Variants in BANP observed in about 807,000 individuals in gnomAD.
BANP encodes BTG3 associated nuclear protein.
A neutral mutation model predicts 68.1 loss-of-function variants in BANP; 11 were observed. That is an observed-to-expected ratio of 0.16 (90% CI 0.10 to 0.27). The LOEUF (loss-of-function observed/expected upper bound fraction) is 0.27. Among genes scored for constraint, BANP ranks in the 10% least tolerant of loss-of-function variants. BANP has a pLI of 1.00. For missense variants in BANP, 504 were observed against 722.7 expected, an observed-to-expected ratio of 0.70 and a Z score of 3.47; for synonymous variants, 329 against 303.2, an observed-to-expected ratio of 1.09 and a Z score of -0.88.
intron 11 of BANP, among the ~76,000 whole-genome samples, chr16:88,043,573 A>G (rs1183161520): frequency 6.6e-6 from 1 of 152,310 alleles, no homozygotes; most frequent in East Asian, 1.9e-4. Flanking sequence ...ATTCGGAATG[A>G]TTTAGGTAGA....
intron 11 of BANP, among the ~76,000 whole-genome samples, chr16:88,061,978 G>C (rs373892987): frequency 1.2e-3 from 184 of 152,296 alleles, no homozygotes; most frequent in African/African-American, 4.2e-3. Context: ...CATTTTTCTA[G>C]TATGAGGAAG....
intron 1 of BANP, chr16:87,970,035 G>A (rs1597892948): frequency 6.6e-6 from 1 of 151,334 alleles, no homozygotes; most frequent in Admixed American, 6.6e-5. Context: ...AGCCTCCTTA[G>A]TAGCTGGGAT....
At chr16:88,031,150 C>G (rs962449662) in intron 8 of BANP, among the ~76,000 whole-genome samples, 1 of 152,206 alleles carries the variant, frequency 6.6e-6, no homozygotes, top group Non-Finnish European at 1.5e-5. Flanking sequence ...CCGTGGAGCA[C>G]GCAGCACTGC....
At chr16:87,970,156 G>A (rs2060859717) in intron 1 of BANP, 1 of 152,198 alleles carries the variant, frequency 6.6e-6, no homozygotes, top group Non-Finnish European at 1.5e-5. Context: ...CTTCCAAAGT[G>A]CTGGGATGAC....
chr16:88,024,391 T>A (rs1162786539), intron 7 of BANP, among the ~76,000 whole-genome samples: 1 of 152,070 alleles, frequency 6.6e-6, no homozygotes, highest in African/African-American at 2.4e-5. Flanking sequence ...CATGAGGCTT[T>A]TAAAAAAAAA....
chr16:87,963,825 A>G (rs116299810), intron 1 of BANP, among the ~76,000 whole-genome samples: 2,386 of 152,308 alleles, frequency 0.016, 62 homozygotes, highest in African/African-American at 0.051. Context: ...AATCTATAGC[A>G]GTTTGTTTTT....
chr16:87,983,043 T>A (rs986960255), intron 3 of BANP, among the ~76,000 whole-genome samples: 1 of 152,108 alleles, frequency 6.6e-6, no homozygotes, highest in African/African-American at 2.4e-5. Context: ...AGTGGCTGCC[T>A]CAGTGCCACC....
intron 6 of BANP, chr16:88,017,296 C>T (rs1186612703): frequency 1.3e-5 from 2 of 152,372 alleles, no homozygotes; most frequent in African/African-American, 2.4e-5. Context: ...ATTCAGGTTT[C>T]TACCCTTCCA....
At chr16:88,052,285 C>T (rs565691552) in intron 11 of BANP, among the ~76,000 whole-genome samples, 2 of 152,284 alleles carry the variant, frequency 1.3e-5, no homozygotes, top group Non-Finnish European at 2.9e-5. Context: ...AGCATTGTGG[C>T]AAGCTAGCGC....
chr16:88,029,426 G>C (rs1438788557), intron 8 of BANP, among the ~76,000 whole-genome samples: 2 of 151,458 alleles, frequency 1.3e-5, no homozygotes, highest in African/African-American at 2.4e-5. Flanking sequence ...TGGCTAACAC[G>C]GTGAAACCCC....
At chr16:88,075,504 A>C (rs2091406355) in intron 13 of BANP, among the ~76,000 whole-genome samples, 1 of 152,154 alleles carries the variant, frequency 6.6e-6, no homozygotes, top group Non-Finnish European at 1.5e-5. Flanking sequence ...CCCTATCTCT[A>C]AAAAATAAAA....
In BANP at chr16:87,976,169, T is replaced by G. The variant is rs543506976; in HGVS notation, c.70+984T>G. ...TATAGAGAAGATCCTTGCATATATA[T>G]CTTGGCAAATAGATAAGTTCCTAGA... On this transcript the variant is annotated intron_variant, in intron 2 of 13. Coordinates refer to ENST00000682872, the MANE Select transcript of BANP (RefSeq NM_001386991.1). Among the ~76,000 whole-genome samples, 66 of 152,380 alleles carry G rather than the reference T, an allele frequency of 4.3e-4. 2 individuals carry two copies. The highest frequency in any genetic ancestry group is 1.5e-3 in the African/African-American group (62 of 41,590).
chr16:88,041,466 C>T (rs1366643131), intron 11 of BANP, among the ~76,000 whole-genome samples: 1 of 152,186 alleles, frequency 6.6e-6, no homozygotes, highest in East Asian at 1.9e-4. Context: ...AGTCACATCC[C>T]ACAGTTGCCA....
At chr16:88,024,839 T>C (rs2076682941) in intron 7 of BANP, among the ~76,000 whole-genome samples, 1 of 152,274 alleles carries the variant, frequency 6.6e-6, no homozygotes, top group Non-Finnish European at 1.5e-5. Flanking sequence ...ATATTTTTTA[T>C]TTAATAAGTG....
chr16:88,076,832 C>T lies in BANP; in HGVS notation c.*171C>T. On this transcript the variant is annotated 3_prime_UTR_variant, in exon 14 of 14. Transcript: ENST00000682872. ...GCATCCTATCAACTGAAAGAGCAGC[C>T]GCCGCCGCCCCCAGCCGGAGACCCC... The T allele has an allele frequency of 5.1e-6, 3 of 586,464 alleles. No homozygotes were observed. Among genetic ancestry groups the T allele is most frequent in the Middle Eastern group, 4.6e-4 (1 of 2,162 alleles). 36.3% of individuals were successfully genotyped at this position (586,464 alleles called of 1,614,324 possible).
intron 11 of BANP, among the ~76,000 whole-genome samples, chr16:88,062,706 G>T (rs1288876851): frequency 6.6e-6 from 1 of 152,198 alleles, no homozygotes; most frequent in Non-Finnish European, 1.5e-5. Context: ...CTGCATTCCA[G>T]AGCTGGTTTG....
chr16:88,067,105 G>A (rs1398621527), intron 12 of BANP, among the ~76,000 whole-genome samples: 3 of 152,242 alleles, frequency 2.0e-5, no homozygotes, highest in Non-Finnish European at 4.4e-5. Context: ...CACGTGGCGG[G>A]ATCCTAGGGC....
intron 13 of BANP, among the ~76,000 whole-genome samples, 194 bp from the exon 14 acceptor site, chr16:88,076,396 C>T (rs1479646358): frequency 6.6e-6 from 1 of 152,188 alleles, no homozygotes; most frequent in Non-Finnish European, 1.5e-5. Context: ...GCGCCAGGGT[C>T]GTGGGCGCGT....
rs997370314 is a variant in BANP at position 88,036,903 on chromosome 16, C to T, written c.1273-1070C>T. Among the ~76,000 whole-genome samples, 1 of 152,128 alleles carries T rather than the reference C, an allele frequency of 6.6e-6. No homozygotes were observed. The highest frequency in any genetic ancestry group is 1.5e-5 in the Non-Finnish European group (1 of 68,014). On this transcript the variant is annotated intron_variant, in intron 10 of 13. Coordinates refer to ENST00000682872, the MANE Select transcript of BANP (RefSeq NM_001386991.1). This position sits in a 1 kb window ranked among gnomAD's most constrained non-coding sequence, Gnocchi z 4.2. ...GATGCGCCTGTCAGCTCAGCGAGGT[C>T]AGGTGCAGGAGTTGGGGGCCTGAGT...
Sources: gnomAD v4.1 joint callset for allele counts (sites outside exome capture counted in the v4.1 genomes callset) on GRCh38, gnomAD v4.1.1 for gene constraint, Gnocchi (gnomAD v3.1) non-coding constraint, MANE v1.5 for transcripts, NCBI Gene and HGNC (gene_info 2026-07-23, HGNC 2026-07-21) for gene names.